The following LRRC4C variants were observed in gnomAD, a reference collection of about 807,000 sequenced individuals.
LRRC4C encodes leucine-rich repeat-containing protein 4C.
Under a neutral mutation model 33.6 loss-of-function variants are expected in LRRC4C, and 5 were observed. That is an observed-to-expected ratio of 0.15 (90% CI 0.08 to 0.31). LRRC4C has a LOEUF of 0.31. Ranked by LOEUF, LRRC4C falls within the 10% of genes least tolerant of loss-of-function variation. LRRC4C has a pLI of 1.00. For missense variants in LRRC4C, 560 were observed against 796.7 expected, an observed-to-expected ratio of 0.70 and a Z score of 3.58; for synonymous variants, 329 against 302.0, an observed-to-expected ratio of 1.09 and a Z score of -0.93.
At chr11:41,441,404 G>A (rs917669081) in intron 1 of LRRC4C, among the ~76,000 whole-genome samples, 1 of 152,050 alleles carries the variant, frequency 6.6e-6, no homozygotes, top group Non-Finnish European at 1.5e-5. Context: ...TGAGGCATAT[G>A]GAGATCTTCC....
At chr11:41,067,926 A>G (rs1205207369) in intron 1 of LRRC4C, among the ~76,000 whole-genome samples, 1 of 152,216 alleles carries the variant, frequency 6.6e-6, no homozygotes, top group Non-Finnish European at 1.5e-5. Flanking sequence ...GGATATCTAT[A>G]TATCACTAAA....
chr11:40,565,249 A>G (rs937039962), intron 3 of LRRC4C, among the ~76,000 whole-genome samples: 1 of 152,198 alleles, frequency 6.6e-6, no homozygotes, highest in Non-Finnish European at 1.5e-5. Context: ...TCTGTGCATC[A>G]TAAGAGACAG....
chr11:40,220,613 C>T (rs1864333211), intron 5 of LRRC4C, among the ~76,000 whole-genome samples: 1 of 152,070 alleles, frequency 6.6e-6, no homozygotes. Flanking sequence ...GCAAAAGCAA[C>T]AGTTTTCAAA....
At chr11:40,760,267 C>G (rs1949143213) in intron 2 of LRRC4C, among the ~76,000 whole-genome samples, 1 of 151,996 alleles carries the variant, frequency 6.6e-6, no homozygotes. Context: ...GTATCCATAA[C>G]ATTTTATTAT....
rs141471438 is a variant in LRRC4C at position 40,411,783 on chromosome 11, G to T, written c.-269-92062C>A. 3.5e-3 allele frequency among the ~76,000 whole-genome samples: 527 copies of T among 152,056 alleles called. 3 individuals carry two copies. Among genetic ancestry groups the T allele is most frequent in the Non-Finnish European group, 5.2e-3 (355 of 67,910 alleles). On this transcript the variant is annotated intron_variant, in intron 3 of 6. Transcript: ENST00000528697. ...AGTTACTCTCATGATTATTTCTCCA[G>T]CCTATCAGGAAATTCAGTAAAAATA...
At chr11:41,195,261 T>C (rs1946133242) in intron 1 of LRRC4C, among the ~76,000 whole-genome samples, 2 of 152,266 alleles carry the variant, frequency 1.3e-5, no homozygotes, top group South Asian at 4.1e-4. Context: ...TTTAAATTAG[T>C]CTTGTCAGAA....
intron 3 of LRRC4C, among the ~76,000 whole-genome samples, chr11:40,450,915 T>C (rs945986850): frequency 4.0e-5 from 6 of 151,768 alleles, no homozygotes; most frequent in African/African-American, 1.2e-4. Flanking sequence ...ACGGAACTAA[T>C]GGATCAAAGA....
chr11:40,925,584 T>G (rs977498005), intron 2 of LRRC4C, among the ~76,000 whole-genome samples: 8 of 152,186 alleles, frequency 5.3e-5, no homozygotes, highest in African/African-American at 1.9e-4. Flanking sequence ...ATAATCTAAT[T>G]TATTCCTCCA....
chr11:40,411,827 A>G (rs958220341), intron 3 of LRRC4C, among the ~76,000 whole-genome samples: 2 of 152,060 alleles, frequency 1.3e-5, no homozygotes, highest in Non-Finnish European at 2.9e-5. Context: ...TAGTGATAAT[A>G]TAACCATGGT....
At chr11:40,865,154 T>G (rs114286494) in intron 2 of LRRC4C, among the ~76,000 whole-genome samples, 1,869 of 152,248 alleles carry the variant, frequency 0.012, 44 homozygotes, top group African/African-American at 0.043. Context: ...GAGGACAGTA[T>G]GTTAAGTGAA....
At chr11:40,124,973 A>T (rs1201700001) in intron 6 of LRRC4C, among the ~76,000 whole-genome samples, 1 of 150,884 alleles carries the variant, frequency 6.6e-6, no homozygotes, top group Non-Finnish European at 1.5e-5. Flanking sequence ...AAAAAAGAAT[A>T]TATATATATA....
chr11:40,491,148 G>A (rs1313211006), intron 3 of LRRC4C, among the ~76,000 whole-genome samples: 1 of 152,058 alleles, frequency 6.6e-6, no homozygotes, highest in African/African-American at 2.4e-5. Flanking sequence ...AGCTGGACGT[G>A]ATGGCAGACA....
intron 1 of LRRC4C, among the ~76,000 whole-genome samples, chr11:41,156,577 A>T (rs1310525867): frequency 2.0e-5 from 3 of 152,154 alleles, no homozygotes; most frequent in African/African-American, 7.2e-5. Context: ...CACTGAAGAT[A>T]TATCAATGAA....
At chr11:40,178,457 A>G (rs1296359928) in intron 5 of LRRC4C, among the ~76,000 whole-genome samples, 2 of 152,176 alleles carry the variant, frequency 1.3e-5, no homozygotes. Context: ...GAGCAGACCT[A>G]TCCATTTGCT....
intron 1 of LRRC4C, among the ~76,000 whole-genome samples, chr11:41,273,198 T>C (rs1949373820): frequency 6.6e-6 from 1 of 152,172 alleles, no homozygotes; most frequent in South Asian, 2.1e-4. Flanking sequence ...CTGATGGGAA[T>C]GTAGAATCTG....
At chr11:40,205,414 T>C (rs775291793) in intron 5 of LRRC4C, among the ~76,000 whole-genome samples, 1 of 152,132 alleles carries the variant, frequency 6.6e-6, no homozygotes, top group Non-Finnish European at 1.5e-5. Flanking sequence ...GGTACTTTTA[T>C]CTCATTAAAA....
intron 3 of LRRC4C, among the ~76,000 whole-genome samples, chr11:40,637,909 C>T (rs1271082045): frequency 6.6e-6 from 1 of 152,170 alleles, no homozygotes; most frequent in Non-Finnish European, 1.5e-5. Context: ...CTAGGACTGG[C>T]TAATCTATAG....
At chr11:40,264,342 T>G (rs1942088387) in intron 4 of LRRC4C, among the ~76,000 whole-genome samples, 1 of 152,210 alleles carries the variant, frequency 6.6e-6, no homozygotes, top group African/African-American at 2.4e-5. Context: ...AAAAAAAATT[T>G]TCCAATTTTC....
At chr11:40,530,710 A>G (rs910824918) in intron 3 of LRRC4C, among the ~76,000 whole-genome samples, 43 of 152,172 alleles carry the variant, frequency 2.8e-4, no homozygotes, top group African/African-American at 1.0e-3. Flanking sequence ...AGACACAGCC[A>G]TGAATGAGAT....
Sources: allele counts gnomAD v4.1 joint callset (sites outside exome capture counted in the v4.1 genomes callset), GRCh38; gene constraint gnomAD v4.1.1; transcripts MANE v1.5; gene names NCBI Gene and HGNC (gene_info 2026-07-23, HGNC 2026-07-21).